Variants in KIF17 observed in about 807,000 individuals in gnomAD.
The protein encoded by KIF17 is kinesin-like protein KIF17.
In KIF17, 80 loss-of-function variants were observed where a neutral mutation model predicts 96.8. That is an observed-to-expected ratio of 0.83 (90% CI 0.69 to 1.00). KIF17 has a LOEUF of 1.00. Among genes scored for constraint, KIF17 ranks in the 50% least tolerant of loss-of-function variants. The pLI, the probability that KIF17 is intolerant of heterozygous loss-of-function variation, is 0.00. For missense variants in KIF17, 1,280 were observed against 1,372.9 expected (o/e 0.93, Z 1.07); for synonymous variants, 567 against 587.5 (o/e 0.97, Z 0.51).
chr1:20,712,662 TA>T (rs2154537772), intron 3 of KIF17, among the ~76,000 whole-genome samples: 1 of 23,504 alleles, frequency 4.3e-5, no homozygotes, highest in South Asian at 7.0e-4. Context: ...ATTATCTATA[TA>T]TAATATAGAT....
At chr1:20,708,759 T>C (rs12042785) in intron 4 of KIF17, among the ~76,000 whole-genome samples, 2 of 152,210 alleles carry the variant, frequency 1.3e-5, no homozygotes, top group East Asian at 3.9e-4. Flanking sequence ...TCGTGAGATT[T>C]AAATGGAATG....
At chr1:20,665,739 C>T (rs541988047) in intron 14 of KIF17, among the ~76,000 whole-genome samples, 11 of 152,256 alleles carry the variant, frequency 7.2e-5, no homozygotes, top group South Asian at 6.2e-4. Context: ...GGAAGCTCTG[C>T]GGGCTTTGCT....
At chr1:20,691,505 G>A (rs542148422) in intron 6 of KIF17, among the ~76,000 whole-genome samples, 21 of 149,678 alleles carry the variant, frequency 1.4e-4, no homozygotes, top group Non-Finnish European at 2.8e-4. Flanking sequence ...CCAGGTTGGA[G>A]TGCAATGGCA....
At chr1:20,680,170 C>T (rs2053806290) in intron 11 of KIF17, among the ~76,000 whole-genome samples, 2 of 152,168 alleles carry the variant, frequency 1.3e-5, no homozygotes, top group South Asian at 2.1e-4. Flanking sequence ...TTTAAAACTA[C>T]ACTTCACTAT....
intron 6 of KIF17, chr1:20,693,326 C>T (rs941857210): frequency 1.3e-5 from 2 of 151,486 alleles, no homozygotes; most frequent in African/African-American, 4.9e-5. Context: ...CTCATTGCCA[C>T]CTCAAGTTCC....
chr1:20,706,297 T>C (rs1487364266), intron 4 of KIF17, among the ~76,000 whole-genome samples: 1 of 149,962 alleles, frequency 6.7e-6, no homozygotes, highest in Non-Finnish European at 1.5e-5. Flanking sequence ...TTTAGGCTAT[T>C]AAAAAACAAC....
rs748366715 is a variant in KIF17, at chr1:20,715,636, C to T, written c.235G>A (p.Val79Ile). Residue 79 changes from valine to isoleucine, a missense_variant, in exon 2 of 15, where the codon GTC becomes ATC. By Grantham distance (29) the Val-to-Ile change is conservative. Transcript: ENST00000400463. ...NEIAYPLVEG[V>I]TEGYNGTIFA... Reference sequence around the variant, plus strand: ...ATGGTGCCATTGTAGCCCTCAGTGACGCCCTGCATGGGAGGAAGGCAGGAC... The same window carrying T: ...ATGGTGCCATTGTAGCCCTCAGTGATGCCCTGCATGGGAGGAAGGCAGGAC... The T allele has an allele frequency of 3.1e-5, 50 of 1,613,186 alleles. No homozygotes were observed. The highest frequency in any genetic ancestry group is 1.6e-4 in the Middle Eastern group (1 of 6,082).
At chr1:20,707,500 C>T (rs375977404) in intron 4 of KIF17, among the ~76,000 whole-genome samples, 4 of 151,916 alleles carry the variant, frequency 2.6e-5, no homozygotes, top group Admixed American at 2.0e-4. Context: ...ATGGGCTGGG[C>T]GCAGTGGCTC....
At chr1:20,698,627 T>A in intron 5 of KIF17, 139 bp from the exon 6 acceptor site, 1 of 624,694 alleles carries the variant, frequency 1.6e-6, no homozygotes, top group Non-Finnish European at 2.9e-6. Context: ...CACATCTCCA[T>A]GTAAAAGGCT....
chr1:20,683,624 C>T (rs1428972569), intron 10 of KIF17, among the ~76,000 whole-genome samples: 1 of 152,004 alleles, frequency 6.6e-6, no homozygotes, highest in Non-Finnish European at 1.5e-5. Context: ...CACTGCACTC[C>T]AGCCTGAGCA....
intron 3 of KIF17, among the ~76,000 whole-genome samples, chr1:20,710,693 G>A (rs553430791): frequency 1.3e-5 from 2 of 152,330 alleles, no homozygotes; most frequent in South Asian, 4.1e-4. Flanking sequence ...GGGGGTCCCA[G>A]GTGGGCTCAG....
intron 4 of KIF17, among the ~76,000 whole-genome samples, chr1:20,708,387 G>A (rs1279535934): frequency 1.3e-5 from 2 of 152,120 alleles, no homozygotes; most frequent in Admixed American, 6.6e-5. Flanking sequence ...TCGGTCTCCC[G>A]GGCTCAACCA....
chr1:20,687,661 C>G lies in KIF17; in HGVS notation c.1665G>C (p.Gly555=), dbSNP rs765880074. The part of the protein sequence containing the change: ...EETSVSEAFP[G]PEEPSNVEVS... ...CCTCCACGTTGGAGGGCTCCTCAGG[C>G]CCAGGGAAAGCCTCGGACACAGAGG... The change falls in exon 8 of 15, where the codon GGG becomes GGC. Residue 555 remains glycine (G), a synonymous_variant. Transcript: ENST00000400463. The surrounding 1 kb of genome is among the most constrained non-coding windows in gnomAD (Gnocchi z 4.4). 5.6e-6 allele frequency: 9 copies of G among 1,614,182 alleles called. No homozygotes were observed. The highest frequency in any genetic ancestry group is 7.6e-6 in the Non-Finnish European group (9 of 1,180,042).
intron 4 of KIF17, among the ~76,000 whole-genome samples, chr1:20,707,852 GTA>G (rs1304774563): frequency 1.5e-5 from 2 of 129,166 alleles, no homozygotes; most frequent in East Asian, 2.2e-4. Context: ...AAATATATAT[GTA>G]TATATATAAT....
chr1:20,668,943 T>C (rs995211510), intron 13 of KIF17, among the ~76,000 whole-genome samples: 3 of 152,178 alleles, frequency 2.0e-5, no homozygotes, highest in Non-Finnish European at 4.4e-5. Flanking sequence ...AGAGTTTCTC[T>C]GTTAACTTAG....
At chr1:20,666,886 A>G (rs941536473) in intron 13 of KIF17, among the ~76,000 whole-genome samples, 4 of 152,168 alleles carry the variant, frequency 2.6e-5, no homozygotes, top group African/African-American at 9.7e-5. Flanking sequence ...GTGAGCATTC[A>G]TAGTGCCCTA....
Position 20,717,762 on chromosome 1 carries a change from C to A in KIF17, c.-56G>T. ...GCTGACCCCCGCCCCGCCGGGGACT[C>A]CCAGCAGCCCGGGCCAAGGGGCGGG... On this transcript the variant is annotated 5_prime_UTR_variant, in exon 1 of 15. Transcript: ENST00000400463. The A allele has an allele frequency of 6.7e-7, 1 of 1,486,222 alleles. No individual in the cohort carries two copies. The highest frequency in any genetic ancestry group is 8.9e-7 in the Non-Finnish European group (1 of 1,126,058). 92.1% of individuals were successfully genotyped at this position (1,486,222 alleles called of 1,614,324 possible).
At position 20,700,438 on chromosome 1, in the gene KIF17, A is replaced by C. The variant is rs1040540090; in HGVS notation, c.1124-1950T>G. 8.5e-5 allele frequency among the ~76,000 whole-genome samples: 13 copies of C among 152,106 alleles called. No homozygotes were observed. The highest frequency in any genetic ancestry group is 3.1e-4 in the African/African-American group (13 of 41,436). On this transcript the variant is annotated intron_variant, in intron 5 of 14. Coordinates refer to ENST00000400463, the MANE Select transcript of KIF17 (RefSeq NM_001122819.3). The surrounding 1 kb of genome is among the most constrained non-coding windows in gnomAD (Gnocchi z 4.6). The stretch of plus-strand genomic sequence containing the variant: ...GACCAACTGGATGTAGATTTGAGAG[A>C]ACGTGAGAAGCCAGGGGCGACCCCA...
At chr1:20,708,831 CT>C (rs2154537486) in intron 4 of KIF17, among the ~76,000 whole-genome samples, 1 of 152,298 alleles carries the variant, frequency 6.6e-6, no homozygotes, top group Admixed American at 6.5e-5. Flanking sequence ...ACATGGATTT[CT>C]TTCCTTCCTC....
Sources: gnomAD v4.1 joint callset for allele counts (sites outside exome capture counted in the v4.1 genomes callset) on GRCh38, gnomAD v4.1.1 for gene constraint, Gnocchi (gnomAD v3.1) non-coding constraint, MANE v1.5 for transcripts, NCBI Gene and HGNC (gene_info 2026-07-23, HGNC 2026-07-21) for gene names.